Variants in ZNF99 observed in about 807,000 individuals in gnomAD.
The protein encoded by ZNF99 is zinc finger protein 99.
In ZNF99, 8 loss-of-function variants were observed where a neutral mutation model predicts 12.8. That is an observed-to-expected ratio of 0.62 (90% CI 0.37 to 1.13). The LOEUF (loss-of-function observed/expected upper bound fraction) is 1.13, where lower values mean the gene tolerates loss of function less well. Ranked by LOEUF, ZNF99 falls within the 50% of genes most tolerant of loss-of-function variation. The pLI is 0.02. For synonymous variants in ZNF99, 318 were observed against 319.0 expected (o/e 1.00, Z 0.03); for missense variants, 1,007 against 1,006.2 (o/e 1.00, Z -0.01).
rs572531134 is a variant in ZNF99, at chr19:22,768,810, A to G, written c.130+388T>C. Reference sequence around the variant, plus strand: ...CACTTTGAGAGGCCGAGGCAGGTGGATCACCTGAGGTCAGGAGTTCAAGAC... The same window carrying G: ...CACTTTGAGAGGCCGAGGCAGGTGGGTCACCTGAGGTCAGGAGTTCAAGAC... On this transcript the variant is annotated intron_variant, in intron 2 of 3. Coordinates refer to ENST00000596209, the MANE Select transcript of ZNF99 (RefSeq NM_001080409.3). Among the ~76,000 whole-genome samples, 13 of 152,256 alleles carry G rather than the reference A, an allele frequency of 8.5e-5. 1 individual carries two copies. The South Asian group carries it at 2.1e-3, about 24-fold the overall frequency.
At position 22,758,723 on chromosome 19, in the gene ZNF99, G is replaced by T. The variant is rs775581334; in HGVS notation, c.1186C>A (p.Pro396Thr). Residue 396 changes from proline (P) to threonine (T), a missense_variant, in exon 4 of 4, where the codon CCC becomes ACC. Coordinates refer to ENST00000596209, the MANE Select transcript of ZNF99 (RefSeq NM_001080409.3). ...TTACCACATTCTTCACATTTGTAGG[G>T]TTTCTGTCCAGTATGAATTATCTCA... The part of the protein sequence containing the change: ...KHEIIHTGQK[P>T]YKCEECGKAF... 3.7e-6 allele frequency: 6 copies of T among 1,613,574 alleles called. No individual in the cohort carries two copies. In the East Asian group the frequency reaches 1.1e-4, roughly 30 times the overall value.
At position 22,758,426 on chromosome 19, in the gene ZNF99, T is replaced by C. The variant is rs1973104349; in HGVS notation, c.1483A>G (p.Lys495Glu). ...TGAATTACCTTATGTACAGTAAGTT[T>C]TGAGGACCACTTAAAAGCTTTACCA... ...ECGKAFKWSS[K>E]LTVHKVIHME... Residue 495 changes from lysine to glutamate, a missense_variant, in exon 4 of 4, where the codon AAA becomes GAA. Transcript: ENST00000596209. 2.5e-6 allele frequency: 4 copies of C among 1,603,958 alleles called. No individual in the cohort carries two copies. Among genetic ancestry groups the C allele is most frequent in the African/African-American group, 2.7e-5 (2 of 74,536 alleles).
chr19:22,762,360 C>T (rs1599443243), intron 3 of ZNF99, among the ~76,000 whole-genome samples: 1 of 152,076 alleles, frequency 6.6e-6, no homozygotes. Flanking sequence ...CTATGAACAC[C>T]TTTAAGTGCA....
At chr19:22,779,834 TC>T (rs1270056142) in intron 1 of ZNF99, among the ~76,000 whole-genome samples, 1 of 152,234 alleles carries the variant, frequency 6.6e-6, no homozygotes, top group Non-Finnish European at 1.5e-5. Flanking sequence ...AACTTAGCAA[TC>T]CTTAAAGATC....
intron 1 of ZNF99, among the ~76,000 whole-genome samples, chr19:22,778,343 C>T (rs1489702404): frequency 6.6e-6 from 1 of 152,028 alleles, no homozygotes; most frequent in East Asian, 1.9e-4. Context: ...TGTGATATCT[C>T]TCAGCTGGAA....
In ZNF99 at chr19:22,771,545, G is replaced by A. The variant is rs148318813; in HGVS notation, c.4-2221C>T. Among the ~76,000 whole-genome samples, 677 of 151,216 alleles carry A rather than the reference G, an allele frequency of 4.5e-3. 8 individuals carry two copies. The highest frequency in any genetic ancestry group is 0.015 in the African/African-American group (633 of 41,222). ...GCTGGGATTACAGGCGTGAGCCACC[G>A]GGCCCAGCTAAAAAGCATTTTCTTA... On this transcript the variant is annotated intron_variant, in intron 1 of 3. Coordinates refer to ENST00000596209, the MANE Select transcript of ZNF99 (RefSeq NM_001080409.3).
rs1973075694 is a variant in ZNF99, at chr19:22,757,266, A to G, written c.*48T>C. The G allele has an allele frequency of 1.2e-6, 2 of 1,611,320 alleles. No homozygotes were observed. Among genetic ancestry groups the G allele is most frequent in the African/African-American group, 2.7e-5 (2 of 74,772 alleles). On this transcript the variant is annotated 3_prime_UTR_variant, in exon 4 of 4. Transcript: ENST00000596209. ...TTCCTAAGGGTTGAGGAATTGTTAA[A>G]AGCTTTGCCACATTCTTCACATTTG... is the stretch of plus-strand genomic sequence containing the variant.
At chr19:22,779,784 G>C (rs1396521685) in intron 1 of ZNF99, among the ~76,000 whole-genome samples, 1 of 151,908 alleles carries the variant, frequency 6.6e-6, no homozygotes, top group East Asian at 1.9e-4. Flanking sequence ...TCTCTAATAT[G>C]GTTTGCTCTT....
intron 1 of ZNF99, among the ~76,000 whole-genome samples, chr19:22,773,658 T>G (rs746622267): frequency 6.6e-6 from 1 of 152,178 alleles, no homozygotes; most frequent in Non-Finnish European, 1.5e-5. Context: ...GGGTGCTATC[T>G]TTTTGGCTAT....
chr19:22,771,941 C>T (rs1232197244), intron 1 of ZNF99, among the ~76,000 whole-genome samples: 1 of 150,380 alleles, frequency 6.6e-6, no homozygotes, highest in Non-Finnish European at 1.5e-5. Flanking sequence ...TGGTCTCGAA[C>T]TCCTGACCTT....
chr19:22,783,713 G>A (rs1034465371), intron 1 of ZNF99, among the ~76,000 whole-genome samples: 2 of 152,146 alleles, frequency 1.3e-5, no homozygotes, highest in African/African-American at 4.8e-5. Context: ...CTCCCCTGAC[G>A]CCCCTCCCGT....
intron 1 of ZNF99, among the ~76,000 whole-genome samples, chr19:22,779,123 G>A (rs1973359732): frequency 6.6e-6 from 1 of 152,138 alleles, no homozygotes; most frequent in African/African-American, 2.4e-5. Context: ...ACAGTTTCTG[G>A]AAAGAAACAC....
rs150510927 is a variant in ZNF99, at chr19:22,781,105, C to T, written c.3+2909G>A. 4.3e-3 allele frequency among the ~76,000 whole-genome samples: 662 copies of T among 152,290 alleles called. 8 individuals are homozygous for T. Among genetic ancestry groups the T allele is most frequent in the African/African-American group, 0.015 (632 of 41,558 alleles). On this transcript the variant is annotated intron_variant, in intron 1 of 3. Transcript: ENST00000596209. ...TATACAATTCAATATTAATTTTATT[C>T]TGAAACCCATCTCTTTTTTGCCCTT...
intron 1 of ZNF99, among the ~76,000 whole-genome samples, chr19:22,777,929 C>G (rs571805941): frequency 5.2e-4 from 75 of 143,104 alleles, no homozygotes; most frequent in Middle Eastern, 4.0e-3. Flanking sequence ...GCGGTCTGTT[C>G]GCATATTCTC....
At position 22,755,866 on chromosome 19, in the gene ZNF99, T is replaced by G. The variant is rs1973043592; in HGVS notation, c.*1448A>C. On this transcript the variant is annotated 3_prime_UTR_variant, in exon 4 of 4. Coordinates refer to ENST00000596209, the MANE Select transcript of ZNF99 (RefSeq NM_001080409.3). ...AAAAGCTTTGCCATATTATTCACATTTGTGGAGTTTATCTTCTTTAGGAAT... is the reference window on the plus strand; with the variant it reads ...AAAAGCTTTGCCATATTATTCACATGTGTGGAGTTTATCTTCTTTAGGAAT... 1 of 333,252 alleles carries G rather than the reference T, an allele frequency of 3.0e-6. No homozygotes were observed. Among genetic ancestry groups the G allele is most frequent in the Non-Finnish European group, 5.9e-6 (1 of 168,114 alleles). The allele number at this position is 333,252 out of a possible 1,614,324, so 20.6% of individuals were successfully genotyped here.
Position 22,754,087 on chromosome 19 carries a change from T to A in ZNF99, c.*3227A>T. 1 of 455,354 alleles carries A rather than the reference T, an allele frequency of 2.2e-6. No homozygotes were observed. Among genetic ancestry groups the A allele is most frequent in the South Asian group, 1.6e-5 (1 of 64,512 alleles). 28.2% of individuals were successfully genotyped at this position (455,354 alleles called of 1,614,324 possible). A position where few individuals can be genotyped will look rare whatever the true frequency, so the allele number is the denominator to read the frequency against. ...CTTTGCCACATTCGACCGGGCTCAA[T>A]GGCTCATGCTTGTAATCCCAGCACT... On this transcript the variant is annotated 3_prime_UTR_variant, in exon 4 of 4. Coordinates refer to ENST00000596209, the MANE Select transcript of ZNF99 (RefSeq NM_001080409.3).
At chr19:22,779,265 C>CT (rs1488656846) in intron 1 of ZNF99, among the ~76,000 whole-genome samples, 1 of 152,030 alleles carries the variant, frequency 6.6e-6, no homozygotes, top group Non-Finnish European at 1.5e-5. Flanking sequence ...GTAGCTCATG[C>CT]GTGTAATCCT....
At chr19:22,773,359 A>T (rs116680379) in intron 1 of ZNF99, among the ~76,000 whole-genome samples, 2,654 of 152,326 alleles carry the variant, frequency 0.017, 67 homozygotes, top group African/African-American at 0.061. Flanking sequence ...TGTATTACAC[A>T]ATTAAACCTG....
At chr19:22,769,090 T>A in intron 2 of ZNF99, 108 bp downstream of exon 2, 1 of 1,219,586 alleles carries the variant, frequency 8.2e-7, no homozygotes, top group African/African-American at 1.6e-5. Flanking sequence ...AAAACGGGTA[T>A]CTGAAACTTA....
Sources: allele counts gnomAD v4.1 joint callset (sites outside exome capture counted in the v4.1 genomes callset), GRCh38; gene constraint gnomAD v4.1.1; transcripts MANE v1.5; gene names NCBI Gene and HGNC (gene_info 2026-07-23, HGNC 2026-07-21).